Variants in TSPEAR observed in about 807,000 individuals in gnomAD.
TSPEAR encodes thrombospondin type laminin G domain and EAR repeats.
Under a neutral mutation model 71.6 loss-of-function variants are expected in TSPEAR, and 69 were observed. The observed-to-expected ratio is 0.96, with a 90% CI of 0.79 to 1.18. The LOEUF is 1.18. TSPEAR is among the 50% of genes most tolerant of loss of function. TSPEAR has a pLI of 0.00. For synonymous variants in TSPEAR, 402 were observed against 387.2 expected, an observed-to-expected ratio of 1.04 and a Z score of -0.45; for missense variants, 971 against 894.9, an observed-to-expected ratio of 1.09 and a Z score of -1.09.
intron 1 of TSPEAR, among the ~76,000 whole-genome samples, chr21:44,652,277 C>T (rs1420349926): frequency 2.6e-5 from 4 of 152,190 alleles, no homozygotes; most frequent in African/African-American, 7.2e-5. Flanking sequence ...GCCACCGCAC[C>T]GGGCCCCATT....
intron 1 of TSPEAR, among the ~76,000 whole-genome samples, chr21:44,672,190 A>G (rs8129089): frequency 0.56 from 85,306 of 152,022 alleles, 24,261 homozygotes; most frequent in African/African-American, 0.66. Flanking sequence ...AAGCCTATGT[A>G]ACATATGGAA....
chr21:44,607,539 G>C (rs781856311), intron 1 of TSPEAR, among the ~76,000 whole-genome samples: 1 of 152,182 alleles, frequency 6.6e-6, no homozygotes, highest in African/African-American at 2.4e-5. Flanking sequence ...ATGTCTTCAC[G>C]ACGTTGTGGT....
chr21:44,697,027 CT>C, intron 1 of TSPEAR: 5 of 873,636 alleles, frequency 5.7e-6, no homozygotes, highest in Non-Finnish European at 8.1e-6. Flanking sequence ...CACCCAGACG[CT>C]CACTCACTCC....
At chr21:44,672,255 G>A (rs2022166752) in intron 1 of TSPEAR, among the ~76,000 whole-genome samples, 1 of 152,196 alleles carries the variant, frequency 6.6e-6, no homozygotes, top group South Asian at 2.1e-4. Flanking sequence ...ACAAAGAGAA[G>A]CCCAAAGGCA....
rs2053067258 is a variant in TSPEAR, at chr21:44,535,151, T to TGCA, written c.304-1229_304-1228insTGC. Among the ~76,000 whole-genome samples, 19 of 152,288 alleles carry TGCA rather than the reference T, an allele frequency of 1.2e-4. No homozygotes were observed. In the South Asian group the frequency reaches 3.7e-3, roughly 30 times the overall value. On this transcript the variant is annotated intron_variant, in intron 2 of 11. Transcript: ENST00000323084. ...AAGAAGTTCTGGAGATGGACGGTGGTGATGGCTGCACAACAACATGGATGT... is the reference window on the plus strand; with the variant it reads ...AAGAAGTTCTGGAGATGGACGGTGGTGCAGATGGCTGCACAACAACATGGATGT...
rs76468958 is a variant in TSPEAR, at chr21:44,637,426, C to A, written c.83-69421G>T. On this transcript the variant is annotated intron_variant, in intron 1 of 11. Coordinates refer to ENST00000323084, the MANE Select transcript of TSPEAR (RefSeq NM_144991.3). ...CGCCTCCCCACTCCAGCATGGCCGCCTCCACCATGTCCATCTGCTCCAGCG... is the reference window on the plus strand; with the variant it reads ...CGCCTCCCCACTCCAGCATGGCCGCATCCACCATGTCCATCTGCTCCAGCG... 12,835 of 1,605,668 alleles carry A rather than the reference C, an allele frequency of 8.0e-3. 746 individuals carry two copies. The African/African-American group carries it at 0.14, about 17-fold the overall frequency.
At chr21:44,557,933 C>T (rs1318218147) in intron 2 of TSPEAR, 3 of 1,213,026 alleles carry the variant, frequency 2.5e-6, no homozygotes, top group Non-Finnish European at 3.4e-6. Context: ...CTCAGCATTG[C>T]TGGCTGGAGG....
chr21:44,571,563 C>T (rs1555922507), intron 1 of TSPEAR, among the ~76,000 whole-genome samples: 1 of 152,152 alleles, frequency 6.6e-6, no homozygotes, highest in East Asian at 1.9e-4. Context: ...CTTCGTCCAC[C>T]AAGAGGAAGC....
intron 1 of TSPEAR, among the ~76,000 whole-genome samples, chr21:44,620,968 G>C (rs1982396557): frequency 6.6e-6 from 1 of 152,118 alleles, no homozygotes; most frequent in African/African-American, 2.4e-5. Context: ...GTGAATTCCA[G>C]CTTTTCTTTT....
rs1555911663 is a variant in TSPEAR, at chr21:44,504,803, G to A, written c.1833C>T (p.Phe611=). Residue 611 remains phenylalanine (F), a synonymous_variant, in exon 11 of 12, where the codon TTC becomes TTT. Transcript: ENST00000323084. ...VVANSFDGRT[F]SVNSIIYRWQ... ...ACCTGTAAATAATACTGTTCACCGA[G>A]AAGGTACGCCCATCGAAGGAGTTGG... 6.2e-7 allele frequency: 1 copy of A among 1,613,762 alleles called. No homozygotes were observed.
rs782002258 is a variant in TSPEAR at position 44,638,112 on chromosome 21, G to A, written c.83-70107C>T. ...GCCTCCTGTGTTTCCCTCCTCTGCC[G>A]CCCCGTGTGCTCCCGCCCTGCCTGC... On this transcript the variant is annotated intron_variant, in intron 1 of 11. Transcript: ENST00000323084. The A allele has an allele frequency of 2.9e-5, 46 of 1,613,098 alleles. No individual in the cohort carries two copies. The highest frequency in any genetic ancestry group is 8.0e-5 in the African/African-American group (6 of 74,718).
At chr21:44,707,531 A>T (rs1225338474) in intron 1 of TSPEAR, among the ~76,000 whole-genome samples, 3 of 150,326 alleles carry the variant, frequency 2.0e-5, no homozygotes, top group Non-Finnish European at 4.4e-5. Context: ...TGTCCAATAG[A>T]GTGTGTGGGG....
At chr21:44,579,819 G>A (rs782465711) in intron 1 of TSPEAR, 1 of 1,610,080 alleles carries the variant, frequency 6.2e-7, no homozygotes, top group Non-Finnish European at 8.5e-7. Context: ...CAGGAGGCCG[G>A]GCGGCAGCAG....
rs2145976111 is a variant in TSPEAR at position 44,528,463 on chromosome 21, G to A, written c.911C>T (p.Ser304Phe). The A allele has an allele frequency of 6.2e-7, 1 of 1,613,894 alleles. No homozygotes were observed. The highest frequency in any genetic ancestry group is 2.2e-5 in the East Asian group (1 of 44,888). The change falls in exon 6 of 12, where the codon TCC (serine) becomes TTC (phenylalanine). Residue 304 changes from serine (S) to phenylalanine (F), a missense_variant. Ser to Phe is a radical substitution (Grantham distance 155). Coordinates refer to ENST00000323084, the MANE Select transcript of TSPEAR (RefSeq NM_144991.3). ...LYLCVGNEWV[S>F]VLAAKERLDY... ...CAGGGCTGCCTCACCTGCTAACACG[G>A]AGACCCACTCGTTGCCAACACACAG...
Position 44,565,493 on chromosome 21 carries a change from C to A in TSPEAR, c.303+2292G>T, listed in dbSNP as rs57153975. On this transcript the variant is annotated intron_variant, in intron 2 of 11. Transcript: ENST00000323084. ...CAAGATACTAGCAATCTGAATCCAGCAACATAAAAGAAGAGTTATACACCA... is the reference window on the plus strand; with the variant it reads ...CAAGATACTAGCAATCTGAATCCAGAAACATAAAAGAAGAGTTATACACCA... Among the ~76,000 whole-genome samples the A allele has an allele frequency of 9.8e-4, 149 of 152,238 alleles. 1 individual carries two copies. The East Asian group carries it at 0.021, about 22-fold the overall frequency.
chr21:44,504,895 T>C lies in TSPEAR; in HGVS notation c.1755-14A>G. On this transcript the variant is annotated splice_polypyrimidine_tract_variant and intron_variant, in intron 10 of 11. Coordinates refer to ENST00000323084, the MANE Select transcript of TSPEAR (RefSeq NM_144991.3). Reference sequence around the variant, plus strand: ...CAGTCCAGAGCACTGCAGGAACAAGTGGGTGGATATTAGGACACAACAGAC... The same window carrying C: ...CAGTCCAGAGCACTGCAGGAACAAGCGGGTGGATATTAGGACACAACAGAC... 1 of 1,590,996 alleles carries C rather than the reference T, an allele frequency of 6.3e-7. No individual in the cohort carries two copies. The highest frequency in any genetic ancestry group is 1.7e-5 in the Admixed American group (1 of 59,138).
rs1247829706 is a variant in TSPEAR, at chr21:44,612,627, G to C, written c.83-44622C>G. On this transcript the variant is annotated intron_variant, in intron 1 of 11. Transcript: ENST00000323084. The surrounding 1 kb of genome is among the most constrained non-coding windows in gnomAD (Gnocchi z 4.1). ...CCCATCTGCTGCAAGCCCATCTGCT[G>C]TGTGCCTGTCTGCTCTGGGGCTTCC... The C allele has an allele frequency of 1.4e-5, 22 of 1,613,716 alleles. No individual in the cohort carries two copies. The highest frequency in any genetic ancestry group is 1.7e-5 in the Non-Finnish European group (20 of 1,179,964).
intron 1 of TSPEAR, among the ~76,000 whole-genome samples, chr21:44,705,037 G>A (rs9978300): frequency 6.6e-6 from 1 of 151,972 alleles, no homozygotes. Flanking sequence ...TGGAAGTCAG[G>A]GACCCCAAAC....
At chr21:44,540,745 C>T (rs183579320) in intron 2 of TSPEAR, among the ~76,000 whole-genome samples, 77 of 152,282 alleles carry the variant, frequency 5.1e-4, no homozygotes, top group African/African-American at 1.8e-3. Context: ...GAAATTAGAG[C>T]CCCAAACAGG....
Sources: allele counts gnomAD v4.1 joint callset (sites outside exome capture counted in the v4.1 genomes callset), GRCh38; gene constraint gnomAD v4.1.1; non-coding constraint Gnocchi (gnomAD v3.1); transcripts MANE v1.5; gene names NCBI Gene and HGNC (gene_info 2026-07-23, HGNC 2026-07-21).